VPS35L: variants seen among roughly 807,000 people sequenced by gnomAD.
VPS35L encodes VPS35 endosomal protein sorting factor like.
VPS35L carries 83 observed loss-of-function variants against 133.0 expected under a neutral mutation model. That is an observed-to-expected ratio of 0.62 (90% CI 0.52 to 0.75). The LOEUF (loss-of-function observed/expected upper bound fraction) is 0.75. VPS35L is among the 30% of genes least tolerant of loss of function. The pLI, the probability that VPS35L is intolerant of heterozygous loss-of-function variation, is 0.00. For missense variants in VPS35L, 1,083 were observed against 1,206.8 expected (o/e 0.90, Z 1.52); for synonymous variants, 423 against 449.9 (o/e 0.94, Z 0.76).
Position 19,584,627 on chromosome 16 carries a change from CA to C in VPS35L, c.639+2991del, listed in dbSNP as rs34652566. 3.0e-3 allele frequency among the ~76,000 whole-genome samples: 308 copies of C among 102,834 alleles called. 2 individuals carry two copies. Among genetic ancestry groups the C allele is most frequent in the South Asian group, 0.018 (54 of 2,976 alleles). 67.5% of individuals were successfully genotyped at this position (102,834 alleles called of 152,430 possible). ...GGGCAACAAGAGCAAAACTCTGTCT[CA>C]AAAAAAAAAAAAAAAAGAGTTTCCT... is the stretch of plus-strand genomic sequence containing the variant. On this transcript the variant is annotated intron_variant, in intron 7 of 30. Transcript: ENST00000417362.
intron 8 of VPS35L, among the ~76,000 whole-genome samples, chr16:19,596,731 T>C (rs1183200092): frequency 6.6e-6 from 1 of 151,886 alleles, no homozygotes; most frequent in Non-Finnish European, 1.5e-5. Context: ...CTCTGTGAAA[T>C]GAAAAGGCTG....
rs755826217 is a variant in VPS35L at position 19,609,010 on chromosome 16, C to T, written c.918C>T (p.Phe306=). ...CATCCATCCTGAAATGTAACAAATT[C>T]CTCTCCAAAACGTAAGGCTCTTCGG... ...VEASILKCNK[F]LSKTGISECL... Residue 306 remains phenylalanine (F), a synonymous_variant, in exon 11 of 31, where the codon TTC becomes TTT. Coordinates refer to ENST00000417362, the MANE Select transcript of VPS35L (RefSeq NM_020314.7). 1.9e-6 allele frequency: 3 copies of T among 1,613,668 alleles called. No homozygotes were observed. The highest frequency in any genetic ancestry group is 2.5e-6 in the Non-Finnish European group (3 of 1,179,798).
intron 7 of VPS35L, among the ~76,000 whole-genome samples, chr16:19,589,917 C>T (rs1316634846): frequency 6.6e-6 from 1 of 152,132 alleles, no homozygotes; most frequent in Non-Finnish European, 1.5e-5. Flanking sequence ...GATGTCACAT[C>T]CCTAGGAACC....
rs767252970 is a variant in VPS35L, at chr16:19,647,787, T to C, written c.1933T>C (p.Ser645Pro). The change falls in exon 24 of 31, where the codon TCC becomes CCC. Residue 645 changes from serine to proline, a missense_variant. Transcript: ENST00000417362. ...GCGTCTTTCTCCTTGATTCTAGGTT[T>C]CCTTTGGCCGTGATTTTGAACAACA... ...YLINGFIKMV[S>P]FGRDFEQQLS... 1.9e-6 allele frequency: 3 copies of C among 1,613,882 alleles called. No individual in the cohort carries two copies. The highest frequency in any genetic ancestry group is 2.5e-6 in the Non-Finnish European group (3 of 1,179,828).
In VPS35L at chr16:19,572,307, A is replaced by C. The variant is rs912337168; in HGVS notation, c.286-812A>C. Among the ~76,000 whole-genome samples, 8 of 152,260 alleles carry C rather than the reference A, an allele frequency of 5.3e-5. No individual in the cohort carries two copies. In the South Asian group the frequency reaches 1.7e-3, roughly 32 times the overall value. On this transcript the variant is annotated intron_variant, in intron 3 of 30. Transcript: ENST00000417362. ...GTGGCGGGCACCTGTAATCCCAGCT[A>C]CTCGGGAGGCTGAGACAGGAGAATC...
intron 3 of VPS35L, among the ~76,000 whole-genome samples, chr16:19,570,872 TATA>T (rs1971352707): frequency 1.1e-5 from 1 of 92,396 alleles, no homozygotes; most frequent in African/African-American, 5.4e-5. Flanking sequence ...TATATATATA[TATA>T]TATATATATA....
At chr16:19,570,775 A>G (rs1971335733) in intron 3 of VPS35L, among the ~76,000 whole-genome samples, 1 of 147,556 alleles carries the variant, frequency 6.8e-6, no homozygotes, top group African/African-American at 2.5e-5. Flanking sequence ...GCTGGGATTC[A>G]AACCTGGCCA....
At chr16:19,594,600 C>CGCT (rs1360966581) in intron 8 of VPS35L, among the ~76,000 whole-genome samples, 2 of 124,770 alleles carry the variant, frequency 1.6e-5, no homozygotes, top group African/African-American at 6.1e-5. Context: ...GCTGAGATCG[C>CGCT]GCTGCTGCAC....
intron 12 of VPS35L, among the ~76,000 whole-genome samples, chr16:19,615,481 C>G (rs566131575): frequency 6.6e-6 from 1 of 151,934 alleles, no homozygotes; most frequent in Admixed American, 6.6e-5. Context: ...GAAACCCCGT[C>G]TCTACTAAAA....
intron 25 of VPS35L, 134 bp downstream of exon 25, chr16:19,650,593 T>A: frequency 1.4e-6 from 1 of 714,674 alleles, no homozygotes; most frequent in Non-Finnish European, 2.3e-6. Context: ...TTTTTCAGAT[T>A]AATTTTTCCC....
intron 28 of VPS35L, among the ~76,000 whole-genome samples, chr16:19,690,195 C>G (rs185939956): frequency 2.6e-5 from 4 of 152,266 alleles, no homozygotes; most frequent in Admixed American, 1.3e-4. Context: ...GTGTGAGCCA[C>G]TGATCCCAGC....
rs184758945 is a variant in VPS35L at position 19,627,073 on chromosome 16, G to C, written c.1272-621G>C. Among the ~76,000 whole-genome samples the C allele has an allele frequency of 4.1e-4, 62 of 152,198 alleles. No homozygotes were observed. The East Asian group carries it at 8.0e-3, about 20-fold the overall frequency. On this transcript the variant is annotated intron_variant, in intron 15 of 30. Transcript: ENST00000417362. ...GAGACGGGTGGATCACCTGAGGTCA[G>C]GAGTTTGAGACCAGCCTGGCCAACA...
At chr16:19,574,057 A>G (rs1008636201) in intron 4 of VPS35L, among the ~76,000 whole-genome samples, 7 of 152,192 alleles carry the variant, frequency 4.6e-5, no homozygotes, top group Non-Finnish European at 7.3e-5. Context: ...AGGAGAGCTG[A>G]GACCAACCCA....
At position 19,571,937 on chromosome 16, in the gene VPS35L, T is replaced by A. The variant is rs552522880; in HGVS notation, c.286-1182T>A. Among the ~76,000 whole-genome samples the A allele has an allele frequency of 3.9e-4, 59 of 152,212 alleles. No homozygotes were observed. The Middle Eastern group carries it at 0.01, about 26-fold the overall frequency. On this transcript the variant is annotated intron_variant, in intron 3 of 30. Coordinates refer to ENST00000417362, the MANE Select transcript of VPS35L (RefSeq NM_020314.7). The stretch of plus-strand genomic sequence containing the variant: ...AACCTTATTATTTTGACCAGCCGTA[T>A]GGTATTCTAAAGACTGGATTTACCT...
Position 19,682,219 on chromosome 16 carries a change from T to C in VPS35L, c.2362-6T>C, listed in dbSNP as rs1233372841. On this transcript the variant is annotated splice_region_variant and splice_polypyrimidine_tract_variant and intron_variant, in intron 27 of 30. Coordinates refer to ENST00000417362, the MANE Select transcript of VPS35L (RefSeq NM_020314.7). ...ATTATTTATCCTTTTTTCGGTTCTC[T>C]GCTAGGATCATCCTGAACATGGGGT... 1 of 1,613,620 alleles carries C rather than the reference T, an allele frequency of 6.2e-7. No individual in the cohort carries two copies. Among genetic ancestry groups the C allele is most frequent in the Non-Finnish European group, 8.5e-7 (1 of 1,179,756 alleles).
At chr16:19,634,430 A>C (rs1455243833) in intron 19 of VPS35L, among the ~76,000 whole-genome samples, 1 of 152,026 alleles carries the variant, frequency 6.6e-6, no homozygotes, top group Non-Finnish European at 1.5e-5. Flanking sequence ...AAAAAAAAAA[A>C]AAAAACCCAC....
intron 9 of VPS35L, among the ~76,000 whole-genome samples, chr16:19,602,882 G>C (rs1390153311): frequency 1.3e-5 from 2 of 151,396 alleles, no homozygotes; most frequent in Non-Finnish European, 2.9e-5. Flanking sequence ...GGGATTATAG[G>C]CATGAGCAAC....
chr16:19,669,323 A>G (rs1567472824), intron 27 of VPS35L, 24 bp downstream of exon 27: 1 of 1,587,994 alleles, frequency 6.3e-7, no homozygotes, highest in East Asian at 2.3e-5. Flanking sequence ...GCAGAACCGC[A>G]GGACATGTCT....
chr16:19,581,576 A>C lies in VPS35L; in HGVS notation c.562A>C (p.Ile188Leu), dbSNP rs1971709553. Residue 188 changes from isoleucine (I) to leucine (L), a missense_variant, in exon 7 of 31, where the codon ATA becomes CTA. By Grantham distance (5) the Ile-to-Leu change is conservative. Coordinates refer to ENST00000417362, the MANE Select transcript of VPS35L (RefSeq NM_020314.7). ...NLTQQDYVNR[I>L]EELNQSLKDA... ...GACTCAGCAGGATTACGTGAACCGC[A>C]TAGAGGAGCTCAACCAATCGCTGAA... 6.2e-7 allele frequency: 1 copy of C among 1,614,112 alleles called. No individual in the cohort carries two copies. The highest frequency in any genetic ancestry group is 1.1e-5 in the South Asian group (1 of 91,078).
Sources: allele counts gnomAD v4.1 joint callset (sites outside exome capture counted in the v4.1 genomes callset), GRCh38; gene constraint gnomAD v4.1.1; transcripts MANE v1.5; gene names NCBI Gene and HGNC (gene_info 2026-07-23, HGNC 2026-07-21).